The following PIEZO2 variants were observed in gnomAD, a reference collection of about 807,000 sequenced individuals.
PIEZO2 encodes the protein piezo-type mechanosensitive ion channel component 2.
A neutral mutation model predicts 337.3 loss-of-function variants in PIEZO2; 172 were observed. The observed-to-expected ratio is 0.51, with a 90% CI of 0.45 to 0.58. The LOEUF is 0.58. PIEZO2 is among the 20% of genes least tolerant of loss of function. The pLI, the probability that PIEZO2 is intolerant of heterozygous loss-of-function variation, is 0.00. For missense variants in PIEZO2, 3,028 were observed against 3,391.3 expected, an observed-to-expected ratio of 0.89 and a Z score of 2.66; for synonymous variants, 1,251 against 1,228.5, an observed-to-expected ratio of 1.02 and a Z score of -0.38.
intron 2 of PIEZO2, among the ~76,000 whole-genome samples, chr18:10,992,211 C>T (rs758679275): frequency 2.6e-4 from 40 of 152,174 alleles, no homozygotes; most frequent in Non-Finnish European, 5.4e-4. Flanking sequence ...GTTTCTTGTG[C>T]TGTGCAGGAG....
At position 11,080,995 on chromosome 18, in the gene PIEZO2, T is replaced by C. The variant is rs1267891800; in HGVS notation, c.65-14773A>G. ...GGCTAACATAATGACATGGCTACAA[T>C]AACAATATTAAAAAGGAATTTGATG... On this transcript the variant is annotated intron_variant, in intron 1 of 55. Coordinates refer to ENST00000674853, the MANE Select transcript of PIEZO2 (RefSeq NM_001378183.1). The surrounding 1 kb of genome is among the most constrained non-coding windows in gnomAD (Gnocchi z 5.4). 2.6e-5 allele frequency among the ~76,000 whole-genome samples: 4 copies of C among 152,140 alleles called. No homozygotes were observed. The highest frequency in any genetic ancestry group is 9.7e-5 in the African/African-American group (4 of 41,438).
chr18:11,073,842 C>A (rs2038430015), intron 1 of PIEZO2, among the ~76,000 whole-genome samples: 1 of 141,916 alleles, frequency 7.0e-6, no homozygotes, highest in African/African-American at 2.5e-5. Context: ...AGACAAATAA[C>A]AACTGCTTTT....
intron 3 of PIEZO2, among the ~76,000 whole-genome samples, chr18:10,972,234 A>G (rs2034272891): frequency 6.6e-6 from 1 of 151,730 alleles, no homozygotes; most frequent in Non-Finnish European, 1.5e-5. Flanking sequence ...TTTAGTTTAC[A>G]TGAAAATGTT....
intron 7 of PIEZO2, among the ~76,000 whole-genome samples, chr18:10,843,942 C>T (rs1014974700): frequency 6.6e-5 from 10 of 152,176 alleles, no homozygotes; most frequent in Non-Finnish European, 1.0e-4. Flanking sequence ...GCTGGTTTAC[C>T]ACGAAGTTGT....
At chr18:10,838,501 G>T (rs1360698511) in intron 7 of PIEZO2, among the ~76,000 whole-genome samples, 1 of 152,100 alleles carries the variant, frequency 6.6e-6, no homozygotes, top group African/African-American at 2.4e-5. Context: ...TACTGTAATT[G>T]GGCTTCATAT....
intron 20 of PIEZO2, among the ~76,000 whole-genome samples, chr18:10,771,197 C>G (rs2038591985): frequency 6.6e-6 from 1 of 152,244 alleles, no homozygotes; most frequent in African/African-American, 2.4e-5. Context: ...GTAAAGCTCT[C>G]TGGTTTCCAT....
chr18:10,864,624 A>G (rs913589509), intron 5 of PIEZO2, among the ~76,000 whole-genome samples: 4 of 152,246 alleles, frequency 2.6e-5, no homozygotes, highest in Non-Finnish European at 4.4e-5. Flanking sequence ...ATAAATAAAC[A>G]TGCCCATAGA....
chr18:11,003,141 G>A lies in PIEZO2; in HGVS notation c.161-23481C>T, dbSNP rs1037157534. On this transcript the variant is annotated intron_variant, in intron 2 of 55. Coordinates refer to ENST00000674853, the MANE Select transcript of PIEZO2 (RefSeq NM_001378183.1). The surrounding 1 kb of genome is among the most constrained non-coding windows in gnomAD (Gnocchi z 4.6). ...TCCTCCAGCAGGCAGGATGGCACTT[G>A]GAGTCTGGGTGATGCAGTGAGGTTC... is the stretch of plus-strand genomic sequence containing the variant. Among the ~76,000 whole-genome samples, 1 of 152,212 alleles carries A rather than the reference G, an allele frequency of 6.6e-6. No homozygotes were observed. Among genetic ancestry groups the A allele is most frequent in the Non-Finnish European group, 1.5e-5 (1 of 68,046 alleles).
chr18:10,796,667 C>T (rs373808652), intron 12 of PIEZO2, among the ~76,000 whole-genome samples: 54 of 152,294 alleles, frequency 3.5e-4, no homozygotes, highest in African/African-American at 1.2e-3. Flanking sequence ...GAAAAATTAA[C>T]GCAGCTGACC....
In PIEZO2 at chr18:10,670,917, TAAGATA is replaced by T. The variant is rs2033742797; in HGVS notation, c.*604_*609del. The T allele has an allele frequency of 6.6e-6, 1 of 152,580 alleles. No individual in the cohort carries two copies. The allele number at this position is 152,580 out of a possible 1,614,324, so 9.5% of individuals were successfully genotyped here. On this transcript the variant is annotated 3_prime_UTR_variant, in exon 56 of 56. Transcript: ENST00000674853. ...GAAAGGTATCCTATTAGTCCTTGGTTAAGATAAGGCAGTAAGAGTATCACTAATACT... is the reference window on the plus strand; with the variant it reads ...GAAAGGTATCCTATTAGTCCTTGGTTAGGCAGTAAGAGTATCACTAATACT...
chr18:11,141,339 A>C (rs2040638576), intron 1 of PIEZO2, among the ~76,000 whole-genome samples: 1 of 152,160 alleles, frequency 6.6e-6, no homozygotes, highest in South Asian at 2.1e-4. Context: ...TAAGGCTGGA[A>C]TGTAATTGCC....
At chr18:10,797,617 A>G (rs2039659551) in intron 11 of PIEZO2, 95 bp from the exon 12 acceptor site, 1 of 1,465,848 alleles carries the variant, frequency 6.8e-7, no homozygotes, top group Non-Finnish European at 8.9e-7. Flanking sequence ...GTTTTGGTAT[A>G]GCCTTTTATT....
chr18:10,710,338 C>T (rs999955), intron 39 of PIEZO2, among the ~76,000 whole-genome samples: 41,785 of 151,992 alleles, frequency 0.27, 5,873 homozygotes, highest in East Asian at 0.4. Flanking sequence ...AAATAGGCCC[C>T]GACAGTAGGC....
In PIEZO2 at chr18:10,673,996, A is replaced by C. The variant is rs2033888012; in HGVS notation, c.8162-1123T>G. ...TTCAACACTGTCCTAGGCCACATGC[A>C]GCCCATGGGCTGCAGGTTGGAAAAG... On this transcript the variant is annotated intron_variant, in intron 54 of 55. Coordinates refer to ENST00000674853, the MANE Select transcript of PIEZO2 (RefSeq NM_001378183.1). This position sits in a 1 kb window ranked among gnomAD's most constrained non-coding sequence, Gnocchi z 4.8. 6.6e-6 allele frequency among the ~76,000 whole-genome samples: 1 copy of C among 152,250 alleles called. No individual in the cohort carries two copies. The highest frequency in any genetic ancestry group is 1.5e-5 in the Non-Finnish European group (1 of 68,038).
intron 2 of PIEZO2, among the ~76,000 whole-genome samples, chr18:10,995,952 T>C (rs188039669): frequency 6.6e-6 from 1 of 152,312 alleles, no homozygotes; most frequent in African/African-American, 2.4e-5. Flanking sequence ...AGCTTAAAGA[T>C]CTAAAATGTC....
chr18:10,900,812 C>T (rs1231373503), intron 4 of PIEZO2, among the ~76,000 whole-genome samples: 2 of 152,184 alleles, frequency 1.3e-5, no homozygotes, highest in African/African-American at 4.8e-5. Flanking sequence ...CACACATGCG[C>T]AGTATCTCTC....
chr18:10,770,089 G>A, intron 21 of PIEZO2, 59 bp downstream of exon 21: 4 of 1,494,102 alleles, frequency 2.7e-6, no homozygotes, highest in South Asian at 1.3e-5. Flanking sequence ...GCTGGAAAAG[G>A]AAAATGATGA....
chr18:10,957,942 C>A (rs530841925), intron 3 of PIEZO2, among the ~76,000 whole-genome samples: 20 of 152,168 alleles, frequency 1.3e-4, no homozygotes, highest in African/African-American at 4.6e-4. Context: ...CAGGGAAATG[C>A]AAATTAAAAC....
In PIEZO2 at chr18:10,895,900, A is replaced by T. The variant is rs1339660048; in HGVS notation, c.329+15286T>A. 6.6e-6 allele frequency among the ~76,000 whole-genome samples: 1 copy of T among 152,042 alleles called. No homozygotes were observed. The highest frequency in any genetic ancestry group is 1.5e-5 in the Non-Finnish European group (1 of 68,008). ...ATGGTGAAACCCTGTCTTTACTAAA[A>T]ATACAGAAAATTACCCGGGCGTGGT... On this transcript the variant is annotated intron_variant, in intron 4 of 55. Transcript: ENST00000674853. This position sits in a 1 kb window ranked among gnomAD's most constrained non-coding sequence, Gnocchi z 4.8.
Sources: allele counts gnomAD v4.1 joint callset (sites outside exome capture counted in the v4.1 genomes callset), GRCh38; gene constraint gnomAD v4.1.1; non-coding constraint Gnocchi (gnomAD v3.1); transcripts MANE v1.5; gene names NCBI Gene and HGNC (gene_info 2026-07-23, HGNC 2026-07-21).